The following KHDRBS3 variants were observed in gnomAD, a reference collection of about 807,000 sequenced individuals.
KHDRBS3 encodes the protein KH RNA binding domain containing, signal transduction associated 3, also known as KH domain-containing, RNA-binding, signal transduction-associated protein 3.
KHDRBS3 carries 23 observed loss-of-function variants against 45.6 expected under a neutral mutation model. That is an observed-to-expected ratio of 0.50 (90% CI 0.36 to 0.72). KHDRBS3 has a LOEUF of 0.72. Among genes scored for constraint, KHDRBS3 ranks in the 30% least tolerant of loss-of-function variants. The probability of loss-of-function intolerance (pLI) is 0.00; values close to 1 mark genes in which losing one functional copy is unlikely to be tolerated. For synonymous variants in KHDRBS3, 162 were observed against 156.5 expected, an observed-to-expected ratio of 1.04 and a Z score of -0.26; for missense variants, 352 against 424.8, an observed-to-expected ratio of 0.83 and a Z score of 1.51.
At chr8:135,654,370 T>C (rs1336608806) in intron 4 of KHDRBS3, among the ~76,000 whole-genome samples, 1 of 152,228 alleles carries the variant, frequency 6.6e-6, no homozygotes, top group East Asian at 1.9e-4. Flanking sequence ...ATGTTTCCCA[T>C]AGAGGTCATG....
At position 135,537,473 on chromosome 8, in the gene KHDRBS3, C is replaced by T. The variant is rs117598534; in HGVS notation, c.208-5181C>T. ...AGTTCAGAAAGGCGCTTGGTCTTTA[C>T]CAGTGAATAATATAATTATTGTAGC... On this transcript the variant is annotated intron_variant, in intron 2 of 8. Coordinates refer to ENST00000355849, the MANE Select transcript of KHDRBS3 (RefSeq NM_006558.3). Among the ~76,000 whole-genome samples, 836 of 152,228 alleles carry T rather than the reference C, an allele frequency of 5.5e-3. 6 individuals carry two copies. Among genetic ancestry groups the T allele is most frequent in the Middle Eastern group, 0.02 (6 of 294 alleles).
At chr8:135,543,705 G>A (rs941243680) in intron 3 of KHDRBS3, among the ~76,000 whole-genome samples, 1 of 152,164 alleles carries the variant, frequency 6.6e-6, no homozygotes, top group Admixed American at 6.5e-5. Flanking sequence ...CATTTTACAT[G>A]TAAGGAAACT....
At chr8:135,523,984 G>A (rs764526058) in intron 2 of KHDRBS3, among the ~76,000 whole-genome samples, 1 of 151,718 alleles carries the variant, frequency 6.6e-6, no homozygotes, top group African/African-American at 2.4e-5. Context: ...TGCTGGATTC[G>A]GTTGCATCTT....
chr8:135,517,932 G>A (rs1273745047), intron 1 of KHDRBS3, among the ~76,000 whole-genome samples: 1 of 152,148 alleles, frequency 6.6e-6, no homozygotes, highest in Admixed American at 6.5e-5. Context: ...GAGGAAATTA[G>A]ATATTTTATA....
At chr8:135,494,563 C>G (rs1823336887) in intron 1 of KHDRBS3, among the ~76,000 whole-genome samples, 1 of 152,154 alleles carries the variant, frequency 6.6e-6, no homozygotes, top group African/African-American at 2.4e-5. Context: ...CAGGCTTGAG[C>G]CACCGCGCCC....
chr8:135,620,277 T>G (rs535763899), intron 7 of KHDRBS3, among the ~76,000 whole-genome samples: 29 of 152,030 alleles, frequency 1.9e-4, no homozygotes, highest in Non-Finnish European at 3.7e-4. Context: ...ATTTTCGTAT[T>G]TTTTTTAGAG....
At chr8:135,613,872 A>G (rs1370775429) in intron 7 of KHDRBS3, among the ~76,000 whole-genome samples, 1 of 151,568 alleles carries the variant, frequency 6.6e-6, no homozygotes, top group East Asian at 1.9e-4. Flanking sequence ...ATGACTTTTA[A>G]ACTCCTGAGG....
intron 5 of KHDRBS3, among the ~76,000 whole-genome samples, chr8:135,577,444 GA>G (rs1319445500): frequency 3.2e-5 from 4 of 125,180 alleles, no homozygotes; most frequent in African/African-American, 1.0e-4. Flanking sequence ...GTTAACTACT[GA>G]TTTTTTTTTT....
intron 6 of KHDRBS3, among the ~76,000 whole-genome samples, chr8:135,602,815 T>C (rs1225143202): frequency 6.6e-6 from 1 of 152,206 alleles, no homozygotes; most frequent in Admixed American, 6.5e-5. Flanking sequence ...ACATGAATGA[T>C]GTCATCCAAA....
At chr8:135,561,975 A>G (rs1827191264) in intron 5 of KHDRBS3, among the ~76,000 whole-genome samples, 1 of 152,190 alleles carries the variant, frequency 6.6e-6, no homozygotes, top group African/African-American at 2.4e-5. Context: ...AAGAGTCAAA[A>G]AGTTTAAAAA....
At chr8:135,519,504 C>A (rs1824796451) in intron 1 of KHDRBS3, among the ~76,000 whole-genome samples, 1 of 152,174 alleles carries the variant, frequency 6.6e-6, no homozygotes, top group Admixed American at 6.5e-5. Context: ...CTCAGGAAAG[C>A]ACTTTGCTTA....
At chr8:135,533,597 C>T (rs1033555307) in intron 2 of KHDRBS3, among the ~76,000 whole-genome samples, 4 of 152,040 alleles carry the variant, frequency 2.6e-5, no homozygotes, top group African/African-American at 9.7e-5. Flanking sequence ...AGGTAATAAC[C>T]TATAGGTAGT....
chr8:135,581,108 C>G (rs1028565629), intron 5 of KHDRBS3, among the ~76,000 whole-genome samples: 35 of 152,228 alleles, frequency 2.3e-4, no homozygotes, highest in African/African-American at 6.5e-4. Flanking sequence ...GATCTGTAGG[C>G]AGCCAGCCTG....
chr8:135,577,051 C>T (rs964866140), intron 5 of KHDRBS3, among the ~76,000 whole-genome samples: 7 of 151,892 alleles, frequency 4.6e-5, no homozygotes, highest in Non-Finnish European at 7.4e-5. Flanking sequence ...TTAACCTGTA[C>T]TTACACTTCT....
intron 1 of KHDRBS3, among the ~76,000 whole-genome samples, chr8:135,465,817 T>C (rs1241445460): frequency 6.6e-6 from 1 of 152,218 alleles, no homozygotes; most frequent in Non-Finnish European, 1.5e-5. Context: ...TAGCATATTA[T>C]TGATGTTCTT....
chr8:135,547,658 TTTA>T (rs1826377550), intron 3 of KHDRBS3, among the ~76,000 whole-genome samples: 3 of 152,208 alleles, frequency 2.0e-5, no homozygotes, highest in Admixed American at 6.5e-5. Context: ...TAGCATTTAT[TTTA>T]TTATTGGCCT....
At chr8:135,585,215 C>G (rs1417773962) in intron 6 of KHDRBS3, among the ~76,000 whole-genome samples, 1 of 121,632 alleles carries the variant, frequency 8.2e-6, no homozygotes, top group Non-Finnish European at 1.6e-5. Flanking sequence ...GGTGACAGAG[C>G]GAGACTCCGT....
intron 4 of KHDRBS3, among the ~76,000 whole-genome samples, chr8:135,555,846 C>T (rs185945544): frequency 6.6e-6 from 1 of 152,118 alleles, no homozygotes; most frequent in Admixed American, 6.6e-5. Context: ...CCCGTCAACC[C>T]GTCACCTACG....
chr8:135,493,500 A>G (rs1823262479), intron 1 of KHDRBS3, among the ~76,000 whole-genome samples: 3 of 152,016 alleles, frequency 2.0e-5, no homozygotes, highest in Admixed American at 1.3e-4. Flanking sequence ...AGTTTTTATT[A>G]TAGTAGTTGT....
Sources: allele counts gnomAD v4.1 joint callset (sites outside exome capture counted in the v4.1 genomes callset), GRCh38; gene constraint gnomAD v4.1.1; transcripts MANE v1.5; gene names NCBI Gene and HGNC (gene_info 2026-07-23, HGNC 2026-07-21).